Variants in DPP6 observed in about 807,000 individuals in gnomAD.
DPP6 encodes dipeptidyl peptidase like 6, also known as A-type potassium channel modulatory protein DPP6.
In DPP6, 69 loss-of-function variants were observed where a neutral mutation model predicts 122.6. The ratio of observed to expected loss-of-function variants is 0.56; its 90% CI spans 0.46 to 0.69. DPP6 has a LOEUF of 0.69. DPP6 is among the 30% of genes least tolerant of loss of function. DPP6 has a pLI of 0.00. For synonymous variants in DPP6, 418 were observed against 433.1 expected, an observed-to-expected ratio of 0.97 and a Z score of 0.43; for missense variants, 928 against 1,116.9, an observed-to-expected ratio of 0.83 and a Z score of 2.41.
At chr7:154,849,321 T>G (rs1265008110) in intron 16 of DPP6, among the ~76,000 whole-genome samples, 1 of 152,356 alleles carries the variant, frequency 6.6e-6, no homozygotes, top group Non-Finnish European at 1.5e-5. Flanking sequence ...AAGGGATATC[T>G]TTCCATTTAT....
chr7:154,066,121 A>G (rs1372386732), intron 1 of DPP6, among the ~76,000 whole-genome samples: 1 of 148,780 alleles, frequency 6.7e-6, no homozygotes, highest in East Asian at 2.0e-4. Flanking sequence ...GTGCAGTGAT[A>G]CAAACTCAGC....
chr7:154,062,704 T>A (rs1350196629), intron 1 of DPP6, among the ~76,000 whole-genome samples: 2 of 65,540 alleles, frequency 3.1e-5, no homozygotes, highest in Middle Eastern at 7.4e-3. Flanking sequence ...CTTCCGCACC[T>A]GGCTGTTGGT....
chr7:154,880,860 AC>A, intron 20 of DPP6, 27 bp from the exon 21 acceptor site: 1 of 1,613,938 alleles, frequency 6.2e-7, no homozygotes, highest in Non-Finnish European at 8.5e-7. Context: ...TGTGCACTGA[AC>A]CCTCTTTCCC....
intron 3 of DPP6, among the ~76,000 whole-genome samples, chr7:154,520,729 T>G (rs1007413256): frequency 3.3e-5 from 5 of 152,186 alleles, no homozygotes; most frequent in South Asian, 2.1e-4. Flanking sequence ...GGGAGTGGGA[T>G]GGGGCAGGAA....
chr7:154,644,843 T>C (rs1171740063), intron 6 of DPP6, among the ~76,000 whole-genome samples: 1 of 151,654 alleles, frequency 6.6e-6, no homozygotes, highest in Non-Finnish European at 1.5e-5. Context: ...TGAGTAGGTG[T>C]GACTGCAGGT....
intron 1 of DPP6, among the ~76,000 whole-genome samples, chr7:154,063,277 A>AC (rs1802318733): frequency 7.9e-6 from 1 of 126,838 alleles, no homozygotes; most frequent in African/African-American, 2.9e-5. Flanking sequence ...CCCCCATCGC[A>AC]GAGGGGGGAG....
chr7:154,709,757 G>A (rs1841059437), intron 7 of DPP6, among the ~76,000 whole-genome samples: 1 of 152,044 alleles, frequency 6.6e-6, no homozygotes, highest in African/African-American at 2.4e-5. Flanking sequence ...CCCCATCTTT[G>A]TTGTTGGTAT....
At chr7:154,126,796 G>A (rs1050782658) in intron 1 of DPP6, among the ~76,000 whole-genome samples, 1 of 152,142 alleles carries the variant, frequency 6.6e-6, no homozygotes, top group African/African-American at 2.4e-5. Flanking sequence ...CAAGAAGGAG[G>A]CCCCTAGCTC....
intron 5 of DPP6, among the ~76,000 whole-genome samples, chr7:154,583,436 C>T (rs914908766): frequency 6.6e-6 from 1 of 152,180 alleles, no homozygotes; most frequent in Non-Finnish European, 1.5e-5. Context: ...TGCCTCCTGG[C>T]CACTTAGGAG....
intron 21 of DPP6, among the ~76,000 whole-genome samples, chr7:154,883,287 T>TGCTC (rs1349592848): frequency 2.2e-5 from 3 of 138,574 alleles, no homozygotes; most frequent in Non-Finnish European, 4.6e-5. Flanking sequence ...TGCTCACACA[T>TGCTC]ACACACACAT....
intron 1 of DPP6, among the ~76,000 whole-genome samples, chr7:154,362,715 A>G (rs1811832918): frequency 6.6e-6 from 1 of 151,864 alleles, no homozygotes; most frequent in East Asian, 1.9e-4. Context: ...ATGAGCCACC[A>G]TGCCTGGCCG....
intron 1 of DPP6, among the ~76,000 whole-genome samples, chr7:154,368,608 G>A (rs902880999): frequency 3.3e-5 from 5 of 152,162 alleles, no homozygotes; most frequent in Admixed American, 6.5e-5. Context: ...CAGCATTCTG[G>A]TTTTAGTAGT....
chr7:153,918,869 C>T (rs545625115), intron 1 of DPP6, among the ~76,000 whole-genome samples: 1 of 148,504 alleles, frequency 6.7e-6, no homozygotes, highest in Non-Finnish European at 1.5e-5. Context: ...ATTCCAGCTA[C>T]TTGGGAGGCT....
chr7:154,228,679 AT>A lies in DPP6; in HGVS notation c.243+175617del, dbSNP rs140575740. Among the ~76,000 whole-genome samples the A allele has an allele frequency of 7.9e-3, 1,205 of 152,244 alleles. 22 individuals carry two copies. Among genetic ancestry groups the A allele is most frequent in the African/African-American group, 0.028 (1,146 of 41,548 alleles). On this transcript the variant is annotated intron_variant, in intron 1 of 25. Transcript: ENST00000377770. ...TAAAAATGATTTTTTAATAATATAT[AT>A]AAGGGAACTTTTAAAGTTCATGGAA...
chr7:154,182,831 G>A (rs914194938), intron 1 of DPP6, among the ~76,000 whole-genome samples: 6 of 152,188 alleles, frequency 3.9e-5, no homozygotes, highest in South Asian at 2.1e-4. Flanking sequence ...GCGCATTCCC[G>A]AGGAGGCACT....
At chr7:153,863,328 C>T in the DPP6 span, among the ~76,000 whole-genome samples, 1 of 152,154 alleles carries the variant, frequency 6.6e-6, no homozygotes, top group African/African-American at 2.4e-5. Flanking sequence ...TTTATCCGGT[C>T]TATCATTGAT....
intron 1 of DPP6, among the ~76,000 whole-genome samples, chr7:154,265,090 G>A (rs62650129): frequency 0.28 from 328 of 1,168 alleles, 15 homozygotes; most frequent in African/African-American, 0.38. Flanking sequence ...TGATGGTGAT[G>A]ATGATGGTGA....
chr7:153,857,319 GTT>G, the DPP6 span, among the ~76,000 whole-genome samples: 2 of 44,364 alleles, frequency 4.5e-5, no homozygotes, highest in African/African-American at 1.9e-4. Context: ...GAACTCAAAG[GTT>G]TTCTCTCTCT....
intron 1 of DPP6, among the ~76,000 whole-genome samples, chr7:154,352,377 G>A (rs1232146533): frequency 2.6e-5 from 4 of 151,956 alleles, no homozygotes; most frequent in Non-Finnish European, 5.9e-5. Flanking sequence ...GCAGGAGAAT[G>A]GCCAGAACCC....
Sources: allele counts gnomAD v4.1 joint callset (sites outside exome capture counted in the v4.1 genomes callset), GRCh38; gene constraint gnomAD v4.1.1; transcripts MANE v1.5; gene names NCBI Gene and HGNC (gene_info 2026-07-23, HGNC 2026-07-21).